Variants in FAXDC2 observed in about 807,000 individuals in gnomAD.
The protein encoded by FAXDC2 is fatty acid hydroxylase domain containing 2, also known as fatty acid hydroxylase domain-containing protein 2.
In FAXDC2, 41 loss-of-function variants were observed where a neutral mutation model predicts 40.9. That is an observed-to-expected ratio of 1.00 (90% CI 0.78 to 1.30). The LOEUF (loss-of-function observed/expected upper bound fraction) is 1.30, where lower values mean the gene tolerates loss of function less well. Among genes scored for constraint, FAXDC2 ranks in the 50% most tolerant of loss-of-function variants. The pLI is 0.00. For missense variants in FAXDC2, 390 were observed against 408.8 expected, an observed-to-expected ratio of 0.95 and a Z score of 0.40; for synonymous variants, 157 against 149.3, an observed-to-expected ratio of 1.05 and a Z score of -0.38.
intron 5 of FAXDC2, among the ~76,000 whole-genome samples, chr5:154,824,914 C>A (rs74846791): frequency 0.018 from 2,775 of 151,898 alleles, 62 homozygotes; most frequent in African/African-American, 0.062. Context: ...CATCACGAAA[C>A]CCCATCTAAT....
chr5:154,818,706 T>G lies in FAXDC2; in HGVS notation c.*1610A>C, dbSNP rs1480649007. 2 of 152,142 alleles carry G rather than the reference T, an allele frequency of 1.3e-5. No homozygotes were observed. Among genetic ancestry groups the G allele is most frequent in the African/African-American group, 4.8e-5 (2 of 41,430 alleles). 9.4% of individuals were successfully genotyped at this position (152,142 alleles called of 1,614,324 possible). On this transcript the variant is annotated 3_prime_UTR_variant, in exon 9 of 9. Coordinates refer to ENST00000326080, the MANE Select transcript of FAXDC2 (RefSeq NM_032385.5). ...GTCCTTCTAGGCCCCTTACAGTACC[T>G]CAAAATCTAAAGGCCTTAAAGGGGA... is the stretch of plus-strand genomic sequence containing the variant.
chr5:154,832,794 G>A (rs1197999964), intron 4 of FAXDC2, among the ~76,000 whole-genome samples: 2 of 152,048 alleles, frequency 1.3e-5, no homozygotes, highest in African/African-American at 4.8e-5. Context: ...TAGATTGCAG[G>A]TTCAAGCTAA....
Position 154,820,391 on chromosome 5 carries a change from G to T in FAXDC2, c.927C>A (p.Tyr309Ter). The change falls in exon 9 of 9, where the codon TAC (tyrosine) becomes TAA (stop). Residue 309 changes from tyrosine (Y) to a stop codon, truncating the protein, a stop_gained. Coordinates refer to ENST00000326080, the MANE Select transcript of FAXDC2 (RefSeq NM_032385.5). LOFTEE classifies it high-confidence loss of function. ...TDTMFKQTKA[Y>*]ERHVLLLGFT... Reference sequence around the variant, plus strand: ...AGCCCAGCAGGAGGACATGTCTCTCGTAGGCCTTGGTCTGCTTGAACATGG... The same window carrying T: ...AGCCCAGCAGGAGGACATGTCTCTCTTAGGCCTTGGTCTGCTTGAACATGG... The T allele has an allele frequency of 6.2e-7, 1 of 1,612,844 alleles. No homozygotes were observed. The highest frequency in any genetic ancestry group is 8.5e-7 in the Non-Finnish European group (1 of 1,179,812).
At chr5:154,823,359 A>G in intron 6 of FAXDC2, 28 bp downstream of exon 6, 1 of 1,606,328 alleles carries the variant, frequency 6.2e-7, no homozygotes. Context: ...ATGAGGAGCC[A>G]GCTGTGCCTC....
intron 1 of FAXDC2, among the ~76,000 whole-genome samples, chr5:154,845,202 C>G (rs552576380): frequency 1.3e-5 from 2 of 152,266 alleles, no homozygotes; most frequent in African/African-American, 4.8e-5. Context: ...GCCTCTCTGC[C>G]CGCCTGCAGA....
chr5:154,834,426 A>C (rs1161350025), intron 4 of FAXDC2, among the ~76,000 whole-genome samples, 199 bp downstream of exon 4: 1 of 152,228 alleles, frequency 6.6e-6, no homozygotes, highest in Non-Finnish European at 1.5e-5. Context: ...TTAACTTCTC[A>C]GCTTCTTTTT....
chr5:154,825,090 C>T (rs1342778723), intron 5 of FAXDC2, among the ~76,000 whole-genome samples: 1 of 148,072 alleles, frequency 6.8e-6, no homozygotes, highest in African/African-American at 2.5e-5. Flanking sequence ...AAGGGCCAGT[C>T]GCTGTGGCTT....
intron 5 of FAXDC2, among the ~76,000 whole-genome samples, chr5:154,829,261 A>C (rs1312164977): frequency 2.6e-5 from 4 of 152,230 alleles, no homozygotes; most frequent in African/African-American, 4.8e-5. Flanking sequence ...GGAGGTGTGA[A>C]CTAGCCATTC....
Position 154,838,192 on chromosome 5 carries a change from G to T in FAXDC2, c.1-14C>A. The T allele has an allele frequency of 6.2e-7, 1 of 1,612,660 alleles. No individual in the cohort carries two copies. Among genetic ancestry groups the T allele is most frequent in the Non-Finnish European group, 8.5e-7 (1 of 1,179,324 alleles). On this transcript the variant is annotated splice_polypyrimidine_tract_variant and intron_variant, in intron 1 of 8. Transcript: ENST00000326080. ...TTCTCCTTTCATCTGGAATGAGAAA[G>T]CACAGGCGAGCCGGGGAGTTATTTT...
rs754171605 is a variant in FAXDC2 at position 154,821,396 on chromosome 5, G to C, written c.709C>G (p.Pro237Ala). Residue 237 changes from proline (P) to alanine (A), a missense_variant, in exon 8 of 9, where the codon CCA becomes GCA. Physicochemically the swap from Pro to Ala is conservative, Grantham distance 27. Coordinates refer to ENST00000326080, the MANE Select transcript of FAXDC2 (RefSeq NM_032385.5). Reference protein sequence around the residue: ...VSNMLPVIVGPLVMGSHLSSI... With the variant: ...VSNMLPVIVGALVMGSHLSSI... Reference sequence around the variant, plus strand: ...GACAAGTGGGAGCCCATTACTAATGGGCCCACTATCACCGGTAGCATGTTG... The same window carrying C: ...GACAAGTGGGAGCCCATTACTAATGCGCCCACTATCACCGGTAGCATGTTG... 1 of 1,612,390 alleles carries C rather than the reference G, an allele frequency of 6.2e-7. No individual in the cohort carries two copies. Among genetic ancestry groups the C allele is most frequent in the Non-Finnish European group, 8.5e-7 (1 of 1,179,344 alleles).
chr5:154,843,001 CAAAAG>C (rs1449177796), intron 1 of FAXDC2, among the ~76,000 whole-genome samples: 2 of 152,130 alleles, frequency 1.3e-5, no homozygotes, highest in African/African-American at 4.8e-5. Context: ...AACCAACTGT[CAAAAG>C]AAACACCTCA....
At chr5:154,824,817 G>A (rs376914906) in intron 5 of FAXDC2, 153 of 396,312 alleles carry the variant, frequency 3.9e-4, no homozygotes, top group African/African-American at 4.7e-4. Flanking sequence ...GGCTGGGCAC[G>A]GTGGCTCACA....
At chr5:154,828,930 T>A (rs1760118399) in intron 5 of FAXDC2, among the ~76,000 whole-genome samples, 1 of 150,844 alleles carries the variant, frequency 6.6e-6, no homozygotes, top group Non-Finnish European at 1.5e-5. Context: ...TTCTTTTTTT[T>A]TTTTTTTGAG....
intron 4 of FAXDC2, among the ~76,000 whole-genome samples, chr5:154,833,739 G>C (rs1760250452): frequency 6.6e-6 from 1 of 151,430 alleles, no homozygotes; most frequent in African/African-American, 2.4e-5. Context: ...CATGATCTTG[G>C]CTCACTGCAA....
intron 4 of FAXDC2, among the ~76,000 whole-genome samples, chr5:154,834,006 A>G (rs1285627010): frequency 6.7e-6 from 1 of 149,926 alleles, no homozygotes; most frequent in Non-Finnish European, 1.5e-5. Flanking sequence ...ATACAAGTGT[A>G]GCACATAGTA....
intron 5 of FAXDC2, chr5:154,830,414 G>A (rs1760159238): frequency 1.1e-5 from 2 of 175,104 alleles, no homozygotes; most frequent in Non-Finnish European, 2.5e-5. Flanking sequence ...CATTGTTTTC[G>A]CAGCTGTCTC....
intron 5 of FAXDC2, among the ~76,000 whole-genome samples, chr5:154,827,900 A>C (rs1469938634): frequency 1.4e-5 from 2 of 146,524 alleles, no homozygotes; most frequent in African/African-American, 5.1e-5. Context: ...CTCAGGCTAG[A>C]GTGTAGTGGT....
intron 5 of FAXDC2, chr5:154,823,860 A>G (rs1759951354): frequency 2.2e-6 from 1 of 455,318 alleles, no homozygotes; most frequent in Non-Finnish European, 4.0e-6. Context: ...GGTTCTGCAC[A>G]TTATCACCAC....
At chr5:154,845,861 C>T (rs1426990523) in intron 1 of FAXDC2, among the ~76,000 whole-genome samples, 1 of 151,124 alleles carries the variant, frequency 6.6e-6, no homozygotes, top group Non-Finnish European at 1.5e-5. Context: ...TCTCGGCTCA[C>T]TGCAACCTCT....
Sources: gnomAD v4.1 joint callset for allele counts (sites outside exome capture counted in the v4.1 genomes callset) on GRCh38, gnomAD v4.1.1 for gene constraint, MANE v1.5 for transcripts, NCBI Gene and HGNC (gene_info 2026-07-23, HGNC 2026-07-21) for gene names.